The following KMO variants were observed in gnomAD, a reference collection of about 807,000 sequenced individuals.
KMO encodes the protein kynurenine 3-hydroxylase.
A neutral mutation model predicts 57.8 loss-of-function variants in KMO; 24 were observed. The ratio of observed to expected loss-of-function variants is 0.42; its 90% CI spans 0.30 to 0.58. KMO has a LOEUF of 0.58. Among genes scored for constraint, KMO ranks in the 20% least tolerant of loss-of-function variants. The probability of loss-of-function intolerance (pLI) is 0.22; values close to 1 mark genes in which losing one functional copy is unlikely to be tolerated. For synonymous variants in KMO, 210 were observed against 193.6 expected (o/e 1.08, Z -0.70); for missense variants, 483 against 588.2 (o/e 0.82, Z 1.85).
At chr1:241,574,631 T>C (rs1662437725) in intron 10 of KMO, among the ~76,000 whole-genome samples, 1 of 151,972 alleles carries the variant, frequency 6.6e-6, no homozygotes, top group Non-Finnish European at 1.5e-5. Context: ...TTGAACATAG[T>C]GTATTATCTT....
intron 10 of KMO, among the ~76,000 whole-genome samples, chr1:241,581,333 C>A (rs1236286860): frequency 6.6e-6 from 1 of 152,078 alleles, no homozygotes; most frequent in Non-Finnish European, 1.5e-5. Flanking sequence ...TTCAGTATTA[C>A]TAATGATAGG....
At chr1:241,554,981 C>CAA (rs111385894) in intron 4 of KMO, among the ~76,000 whole-genome samples, 4 of 136,864 alleles carry the variant, frequency 2.9e-5, no homozygotes, top group East Asian at 2.1e-4. Context: ...GACTCTGTTT[C>CAA]AAAAAAAAAA....
At chr1:241,557,970 T>C (rs1661702038) in intron 5 of KMO, among the ~76,000 whole-genome samples, 1 of 152,238 alleles carries the variant, frequency 6.6e-6, no homozygotes, top group Non-Finnish European at 1.5e-5. Context: ...GTATCTTAAG[T>C]GTTTTACATG....
intron 4 of KMO, among the ~76,000 whole-genome samples, chr1:241,555,158 C>T (rs995336861): frequency 1.6e-4 from 24 of 152,024 alleles, no homozygotes; most frequent in East Asian, 5.8e-4. Flanking sequence ...CACACACACG[C>T]GTGCACACAC....
At chr1:241,578,800 T>A (rs1662634529) in intron 10 of KMO, among the ~76,000 whole-genome samples, 1 of 152,142 alleles carries the variant, frequency 6.6e-6, no homozygotes, top group Non-Finnish European at 1.5e-5. Context: ...TTGGGTAATT[T>A]ATAAAGAAAG....
In KMO at chr1:241,588,820, A is replaced by G; in HGVS notation, c.1088A>G (p.Asn363Ser). The part of the protein sequence containing the change: ...DHAISDLSMY[N>S]YIEMRAHVNS... Reference sequence around the variant, plus strand: ...GCGATTTCAGACCTATCCATGTACAATTACATAGAGGTGAGTGAGAAGGTT... The same window carrying G: ...GCGATTTCAGACCTATCCATGTACAGTTACATAGAGGTGAGTGAGAAGGTT... Residue 363 changes from asparagine (N) to serine (S), a missense_variant, in exon 12 of 15, where the codon AAT becomes AGT. This residue lies in a region of KMO where 410 missense variants were observed against 492.3 expected (regional missense o/e 0.83). Transcript: ENST00000366559. The G allele has an allele frequency of 6.2e-7, 1 of 1,609,890 alleles. No individual in the cohort carries two copies. Among genetic ancestry groups the G allele is most frequent in the Non-Finnish European group, 8.5e-7 (1 of 1,176,396 alleles).
Position 241,593,191 on chromosome 1 carries a change from G to A in KMO, c.*1038G>A. On this transcript the variant is annotated 3_prime_UTR_variant, in exon 15 of 15. Coordinates refer to ENST00000366559, the MANE Select transcript of KMO (RefSeq NM_003679.5). ...ATGTGCCAGAATGGAAAGGAAACAAGGGGAGACAACTTTTATAGAAATACA... is the reference window on the plus strand; with the variant it reads ...ATGTGCCAGAATGGAAAGGAAACAAAGGGAGACAACTTTTATAGAAATACA... 8.2e-6 allele frequency: 2 copies of A among 243,458 alleles called. No individual in the cohort carries two copies. Among genetic ancestry groups the A allele is most frequent in the Non-Finnish European group, 1.9e-5 (2 of 106,136 alleles). The allele number at this position is 243,458 out of a possible 1,614,324, so 15.1% of individuals were successfully genotyped here. A position where few individuals can be genotyped will look rare whatever the true frequency, so the allele number is the denominator to read the frequency against.
At chr1:241,570,544 C>T (rs1302882302) in intron 10 of KMO, among the ~76,000 whole-genome samples, 1 of 151,962 alleles carries the variant, frequency 6.6e-6, no homozygotes, top group Non-Finnish European at 1.5e-5. Flanking sequence ...GTCTTTTCCC[C>T]AATGTGTATG....
chr1:241,584,985 GGAGACC>G (rs1662909779), intron 10 of KMO, among the ~76,000 whole-genome samples: 2 of 152,094 alleles, frequency 1.3e-5, no homozygotes, highest in Admixed American at 1.3e-4. Flanking sequence ...CAGCACTTTG[GGAGACC>G]GAGACAGGTG....
At chr1:241,536,437 A>G (rs1362087562) in intron 1 of KMO, 1 of 876,600 alleles carries the variant, frequency 1.1e-6, no homozygotes, top group Non-Finnish European at 1.4e-6. Flanking sequence ...GACTCAGAAA[A>G]TACTGCTTTT....
chr1:241,533,893 A>C (rs930718486), intron 1 of KMO, among the ~76,000 whole-genome samples: 1 of 152,220 alleles, frequency 6.6e-6, no homozygotes, highest in African/African-American at 2.4e-5. Context: ...AGAACTAACT[A>C]CGTGAAGATC....
chr1:241,554,789 G>A (rs1187932061), intron 4 of KMO, among the ~76,000 whole-genome samples: 15 of 147,178 alleles, frequency 1.0e-4, no homozygotes, highest in African/African-American at 3.7e-4. Context: ...TGGCCAACAT[G>A]GCAAAACCCC....
chr1:241,558,291 A>G (rs957554813), intron 5 of KMO, among the ~76,000 whole-genome samples: 3 of 152,250 alleles, frequency 2.0e-5, no homozygotes, highest in Admixed American at 2.0e-4. Context: ...CATGGCACAC[A>G]ATTTCATAAA....
intron 1 of KMO, among the ~76,000 whole-genome samples, chr1:241,538,191 G>A (rs1660815403): frequency 6.6e-6 from 1 of 152,156 alleles, no homozygotes; most frequent in Non-Finnish European, 1.5e-5. Context: ...ATGCTGTGAA[G>A]GTGAGGTTTT....
chr1:241,574,532 G>GT (rs59988648), intron 10 of KMO, among the ~76,000 whole-genome samples: 75,709 of 150,338 alleles, frequency 0.5, 19,483 homozygotes, highest in Middle Eastern at 0.61. Context: ...TGATCATATG[G>GT]TTTTTTTTTT....
At chr1:241,544,760 T>C (rs1041231679) in intron 1 of KMO, among the ~76,000 whole-genome samples, 1 of 152,198 alleles carries the variant, frequency 6.6e-6, no homozygotes, top group East Asian at 1.9e-4. Context: ...ATAACATGCA[T>C]ACAAAATTTT....
intron 4 of KMO, among the ~76,000 whole-genome samples, chr1:241,555,305 A>G (rs1350114815): frequency 6.6e-6 from 1 of 152,244 alleles, no homozygotes; most frequent in Non-Finnish European, 1.5e-5. Context: ...TATTACATTT[A>G]TGATTTGTTT....
chr1:241,547,109 C>T (rs900252332), intron 1 of KMO, among the ~76,000 whole-genome samples: 3 of 152,000 alleles, frequency 2.0e-5, no homozygotes, highest in African/African-American at 7.3e-5. Context: ...ACTACCACAG[C>T]CTATATAAAG....
intron 10 of KMO, among the ~76,000 whole-genome samples, chr1:241,585,778 A>G (rs1216763622): frequency 1.3e-5 from 2 of 151,910 alleles, no homozygotes; most frequent in South Asian, 4.1e-4. Context: ...GAACAAAAAA[A>G]AAAACCAAAA....
Sources: allele counts gnomAD v4.1 joint callset (sites outside exome capture counted in the v4.1 genomes callset), GRCh38; gene constraint gnomAD v4.1.1; regional missense constraint gnomAD v4.1.1; transcripts MANE v1.5; gene names NCBI Gene and HGNC (gene_info 2026-07-23, HGNC 2026-07-21).